Variants in DPP6 observed in about 807,000 individuals in gnomAD.
The protein encoded by DPP6 is A-type potassium channel modulatory protein DPP6.
A neutral mutation model predicts 122.6 loss-of-function variants in DPP6; 69 were observed. The ratio of observed to expected loss-of-function variants is 0.56; its 90% CI spans 0.46 to 0.69. DPP6 has a LOEUF of 0.69. Among genes scored for constraint, DPP6 ranks in the 30% least tolerant of loss-of-function variants. DPP6 has a pLI of 0.00. For missense variants in DPP6, 928 were observed against 1,116.9 expected (o/e 0.83, Z 2.41); for synonymous variants, 418 against 433.1 (o/e 0.97, Z 0.43).
At chr7:154,674,876 A>G (rs1838790994) in intron 7 of DPP6, among the ~76,000 whole-genome samples, 1 of 152,192 alleles carries the variant, frequency 6.6e-6, no homozygotes, top group Non-Finnish European at 1.5e-5. Flanking sequence ...GCTTAGAAGG[A>G]AAGGCCAACT....
At chr7:154,438,082 T>G (rs1819019728) in intron 1 of DPP6, among the ~76,000 whole-genome samples, 2 of 152,210 alleles carry the variant, frequency 1.3e-5, no homozygotes, top group African/African-American at 4.8e-5. Flanking sequence ...GAGCAGGCGC[T>G]GGATGAAGCA....
intron 1 of DPP6, among the ~76,000 whole-genome samples, chr7:154,248,861 G>A (rs1179635309): frequency 1.3e-5 from 2 of 150,970 alleles, no homozygotes; most frequent in East Asian, 1.9e-4. Flanking sequence ...GGGAGACTCC[G>A]TCTCAGGAAA....
chr7:154,436,114 T>G (rs1048197203), intron 1 of DPP6, among the ~76,000 whole-genome samples: 3 of 151,864 alleles, frequency 2.0e-5, no homozygotes, highest in African/African-American at 7.3e-5. Flanking sequence ...TTATTTGAGG[T>G]GGCTTACAGA....
intron 1 of DPP6, among the ~76,000 whole-genome samples, chr7:153,992,463 G>A (rs150519117): frequency 0.033 from 4,148 of 126,988 alleles, no homozygotes; most frequent in African/African-American, 0.05. Flanking sequence ...TCTTTCTCCA[G>A]TGTAAGTGTG....
At chr7:153,855,153 G>A in the DPP6 span, among the ~76,000 whole-genome samples, 1 of 148,204 alleles carries the variant, frequency 6.7e-6, no homozygotes. Flanking sequence ...ACAAGTTAGT[G>A]GGTGCAGCGC....
rs914037902 is a variant in DPP6 at position 154,602,774 on chromosome 7, G to T, written c.628-35047G>T. ...CCTTTTTTTTTTTTTTTGAGACAGG[G>T]TCTTACTCTGTCACCCAGCCTGGAG... On this transcript the variant is annotated intron_variant, in intron 5 of 25. Transcript: ENST00000377770. Among the ~76,000 whole-genome samples the T allele has an allele frequency of 2.7e-5, 3 of 111,196 alleles. 1 individual carries two copies. Among genetic ancestry groups the T allele is most frequent in the African/African-American group, 8.5e-5 (3 of 35,374 alleles). 72.9% of individuals were successfully genotyped at this position (111,196 alleles called of 152,430 possible).
intron 1 of DPP6, among the ~76,000 whole-genome samples, chr7:154,318,392 A>G (rs1807622280): frequency 6.6e-6 from 1 of 152,166 alleles, no homozygotes; most frequent in Non-Finnish European, 1.5e-5. Flanking sequence ...AATGAGAGTG[A>G]CCTAGGGAAA....
At chr7:154,037,911 G>A (rs1338657812) in intron 1 of DPP6, among the ~76,000 whole-genome samples, 1 of 125,590 alleles carries the variant, frequency 8.0e-6, no homozygotes. Flanking sequence ...CACCGTTGGA[G>A]TCCTATGGCA....
At chr7:154,608,901 T>A (rs1429388139) in intron 5 of DPP6, among the ~76,000 whole-genome samples, 1 of 152,182 alleles carries the variant, frequency 6.6e-6, no homozygotes, top group East Asian at 1.9e-4. Flanking sequence ...TTCAGGTAGA[T>A]GGAATTTTCT....
At chr7:153,886,520 C>T (rs571816619), upstream of DPP6, among the ~76,000 whole-genome samples, 152 of 152,286 alleles carry the variant, frequency 1.0e-3, no homozygotes, top group African/African-American at 3.4e-3. Context: ...GCCAAAGAAA[C>T]AAAGCCGCCG....
At chr7:153,989,129 T>G (rs1026869602) in intron 1 of DPP6, among the ~76,000 whole-genome samples, 6 of 148,422 alleles carry the variant, frequency 4.0e-5, no homozygotes, top group Admixed American at 3.4e-4. Context: ...GGAGGGCGGC[T>G]CTCTGGTGTG....
At chr7:154,460,089 C>A (rs945282167) in intron 2 of DPP6, among the ~76,000 whole-genome samples, 39 of 141,122 alleles carry the variant, frequency 2.8e-4, no homozygotes, top group Admixed American at 2.3e-4. Context: ...TCAAGTGATT[C>A]TCCTGCCTCA....
intron 1 of DPP6, among the ~76,000 whole-genome samples, chr7:154,060,974 C>T (rs377689486): frequency 2.0e-5 from 3 of 148,818 alleles, no homozygotes; most frequent in Non-Finnish European, 4.5e-5. Context: ...CCTTAGGACC[C>T]ACCTGGAGGA....
the DPP6 span, among the ~76,000 whole-genome samples, chr7:153,803,856 T>C: frequency 1.2e-4 from 17 of 140,192 alleles, no homozygotes; most frequent in African/African-American, 3.9e-4. Flanking sequence ...CACACACACA[T>C]ATATATATAC....
intron 1 of DPP6, chr7:154,057,579 T>A (rs899510888): frequency 1.3e-5 from 2 of 150,756 alleles, no homozygotes; most frequent in Admixed American, 1.3e-4. Flanking sequence ...TACCGGAGCT[T>A]AAGGGCAGAA....
chr7:154,560,351 A>G (rs1259628258), intron 4 of DPP6, among the ~76,000 whole-genome samples: 1 of 152,226 alleles, frequency 6.6e-6, no homozygotes, highest in Non-Finnish European at 1.5e-5. Context: ...GTGAAAATAT[A>G]AACACATAAA....
At chr7:154,072,451 A>G (rs1008329630) in intron 1 of DPP6, among the ~76,000 whole-genome samples, 12 of 152,308 alleles carry the variant, frequency 7.9e-5, no homozygotes, top group African/African-American at 2.9e-4. Flanking sequence ...ACAGGATTTG[A>G]TTCCTTTTTG....
At position 154,403,201 on chromosome 7, in the gene DPP6, C is replaced by T. The variant is rs562772281; in HGVS notation, c.244-43013C>T. 1.3e-5 allele frequency among the ~76,000 whole-genome samples: 2 copies of T among 152,226 alleles called. No individual in the cohort carries two copies. The highest frequency in any genetic ancestry group is 6.5e-5 in the Admixed American group (1 of 15,292). ...TTCCCTGGACTCAGCAGGTCGCCAC[C>T]GTGAGGCCCCAGCATTTGGGTCCAT... On this transcript the variant is annotated intron_variant, in intron 1 of 25. Transcript: ENST00000377770. This position sits in a 1 kb window ranked among gnomAD's most constrained non-coding sequence, Gnocchi z 4.1.
the DPP6 span, among the ~76,000 whole-genome samples, chr7:153,803,023 G>A: frequency 1.3e-5 from 2 of 150,684 alleles, no homozygotes; most frequent in East Asian, 4.0e-4. Flanking sequence ...CACTGCTGCT[G>A]TGTTCCACGT....
Sources: gnomAD v4.1 joint callset for allele counts (sites outside exome capture counted in the v4.1 genomes callset) on GRCh38, gnomAD v4.1.1 for gene constraint, Gnocchi (gnomAD v3.1) non-coding constraint, MANE v1.5 for transcripts, NCBI Gene and HGNC (gene_info 2026-07-23, HGNC 2026-07-21) for gene names.